The following PTPRN2 variants were observed in gnomAD, a reference collection of about 807,000 sequenced individuals.
PTPRN2 encodes the protein receptor-type tyrosine-protein phosphatase N2.
A neutral mutation model predicts 118.8 loss-of-function variants in PTPRN2; 74 were observed. The observed-to-expected ratio is 0.62, with a 90% CI of 0.52 to 0.76. The LOEUF is 0.76. Among genes scored for constraint, PTPRN2 ranks in the 30% least tolerant of loss-of-function variants. PTPRN2 has a pLI of 0.00. For missense variants in PTPRN2, 1,481 were observed against 1,394.4 expected, an observed-to-expected ratio of 1.06 and a Z score of -0.99; for synonymous variants, 641 against 608.0, an observed-to-expected ratio of 1.05 and a Z score of -0.80.
chr7:157,749,397 G>T (rs937986845), intron 12 of PTPRN2, among the ~76,000 whole-genome samples: 1 of 81,366 alleles, frequency 1.2e-5, no homozygotes, highest in African/African-American at 5.3e-5. Flanking sequence ...GAGCTGTGGG[G>T]TGTCCGGGTG....
chr7:158,080,548 C>T (rs1269133220), intron 11 of PTPRN2, among the ~76,000 whole-genome samples: 1 of 132,846 alleles, frequency 7.5e-6, no homozygotes, highest in Non-Finnish European at 1.6e-5. Context: ...GAAGATTAAA[C>T]AATACACTCT....
intron 10 of PTPRN2, among the ~76,000 whole-genome samples, chr7:158,091,422 AG>A (rs1357416161): frequency 6.6e-6 from 1 of 152,144 alleles, no homozygotes; most frequent in African/African-American, 2.4e-5. Flanking sequence ...TTTTCTTGAA[AG>A]TTATTTAGAA....
At chr7:158,023,878 G>A (rs1218681207) in intron 11 of PTPRN2, among the ~76,000 whole-genome samples, 2 of 151,044 alleles carry the variant, frequency 1.3e-5, no homozygotes, top group African/African-American at 2.4e-5. Flanking sequence ...GCACAGACAT[G>A]CAGGCACACA....
At chr7:157,867,381 C>T (rs376911977) in intron 12 of PTPRN2, among the ~76,000 whole-genome samples, 2 of 134,318 alleles carry the variant, frequency 1.5e-5, no homozygotes, top group East Asian at 2.5e-4. Flanking sequence ...CCTGGATACA[C>T]GGCCACCACC....
chr7:157,720,563 G>A lies in PTPRN2; in HGVS notation c.1789-37626C>T, dbSNP rs532126433. On this transcript the variant is annotated intron_variant, in intron 12 of 22. Coordinates refer to ENST00000389418, the MANE Select transcript of PTPRN2 (RefSeq NM_002847.5). ...CCTGAGCCAAGGACACTGCGGCCCC[G>A]GCTGCACCGATGCATGGGTGTGCAC... Among the ~76,000 whole-genome samples, 12 of 152,226 alleles carry A rather than the reference G, an allele frequency of 7.9e-5. 1 individual carries two copies. The highest frequency in any genetic ancestry group is 6.2e-4 in the South Asian group (3 of 4,834).
chr7:157,734,592 C>T (rs1055405321), intron 12 of PTPRN2, among the ~76,000 whole-genome samples: 1 of 152,202 alleles, frequency 6.6e-6, no homozygotes, highest in Admixed American at 6.5e-5. Context: ...TTAGCAACAT[C>T]CCAGTGACTA....
intron 14 of PTPRN2, among the ~76,000 whole-genome samples, chr7:157,633,234 G>A (rs1047470747): frequency 6.6e-6 from 1 of 151,588 alleles, no homozygotes; most frequent in Non-Finnish European, 1.5e-5. Flanking sequence ...TCCACCTCCT[G>A]GGTTCAAGCA....
chr7:158,330,589 T>C (rs375804159), intron 2 of PTPRN2, among the ~76,000 whole-genome samples: 110 of 3,192 alleles, frequency 0.034, 5 homozygotes, highest in Non-Finnish European at 0.046. Context: ...AGGTGACATC[T>C]GCAGACGTCA....
chr7:157,875,505 C>G (rs1795703782), intron 12 of PTPRN2, among the ~76,000 whole-genome samples: 1 of 152,246 alleles, frequency 6.6e-6, no homozygotes, highest in South Asian at 2.1e-4. Flanking sequence ...GGGAACTTCA[C>G]TGTGCAGTCC....
chr7:157,687,930 C>T (rs1379806556), intron 12 of PTPRN2, among the ~76,000 whole-genome samples: 1 of 152,196 alleles, frequency 6.6e-6, no homozygotes, highest in African/African-American at 2.4e-5. Context: ...CGGAAATAAT[C>T]ATGTATTAAT....
intron 3 of PTPRN2, among the ~76,000 whole-genome samples, chr7:158,312,191 TAGAC>T (rs1801834902): frequency 1.8e-5 from 1 of 55,562 alleles, no homozygotes; most frequent in African/African-American, 6.7e-5. Flanking sequence ...TGCTCATGTG[TAGAC>T]ACTCACATGC....
Position 157,716,490 on chromosome 7 carries a change from A to G in PTPRN2, c.1789-33553T>C, listed in dbSNP as rs1798919024. Among the ~76,000 whole-genome samples the G allele has an allele frequency of 2.2e-5, 2 of 92,004 alleles. 1 individual carries two copies. The highest frequency in any genetic ancestry group is 4.2e-5 in the Non-Finnish European group (2 of 47,408). 60.4% of individuals were successfully genotyped at this position (92,004 alleles called of 152,430 possible). On this transcript the variant is annotated intron_variant, in intron 12 of 22. Coordinates refer to ENST00000389418, the MANE Select transcript of PTPRN2 (RefSeq NM_002847.5). ...CTGCAGGAACACTGCCTGGCCACGT[A>G]GACTCTGCGGGAACACTGCCTGGTC... is the stretch of plus-strand genomic sequence containing the variant.
At chr7:158,416,334 T>G (rs1814654100) in intron 2 of PTPRN2, among the ~76,000 whole-genome samples, 1 of 152,206 alleles carries the variant, frequency 6.6e-6, no homozygotes, top group Non-Finnish European at 1.5e-5. Context: ...AGTTTAGATA[T>G]GCACCCCCAG....
intron 10 of PTPRN2, among the ~76,000 whole-genome samples, chr7:158,084,988 C>G: frequency 7.9e-6 from 1 of 127,270 alleles, no homozygotes; most frequent in South Asian, 3.0e-4. Context: ...CCCATCCACA[C>G]GGATGCCCAT....
At chr7:158,046,870 C>T (rs914201910) in intron 11 of PTPRN2, among the ~76,000 whole-genome samples, 6 of 152,144 alleles carry the variant, frequency 3.9e-5, no homozygotes, top group East Asian at 1.9e-4. Context: ...GTGTGTGTAC[C>T]GCTAGCTTTG....
chr7:157,589,325 T>TC (rs1028285639), intron 17 of PTPRN2, among the ~76,000 whole-genome samples: 8 of 152,158 alleles, frequency 5.3e-5, no homozygotes, highest in Admixed American at 3.3e-4. Context: ...CTTCCTTTCT[T>TC]CCCCCAGCCC....
intron 1 of PTPRN2, among the ~76,000 whole-genome samples, chr7:158,568,556 T>C (rs1004480791): frequency 1.3e-5 from 2 of 152,160 alleles, no homozygotes; most frequent in African/African-American, 4.8e-5. Context: ...GTAAATCATA[T>C]GACTGACTTG....
intron 10 of PTPRN2, among the ~76,000 whole-genome samples, chr7:158,086,680 G>A (rs1039615966): frequency 8.5e-5 from 13 of 152,224 alleles, no homozygotes; most frequent in African/African-American, 2.4e-4. Flanking sequence ...GAGCTGAAAC[G>A]AGAAGGCGGA....
At chr7:157,982,868 C>T (rs112518648) in intron 11 of PTPRN2, among the ~76,000 whole-genome samples, 126 of 101,000 alleles carry the variant, frequency 1.2e-3, no homozygotes, top group Middle Eastern at 7.8e-3. Flanking sequence ...TGCAGAGTAC[C>T]GGGTTCCCCC....
Sources: allele counts gnomAD v4.1 joint callset (sites outside exome capture counted in the v4.1 genomes callset), GRCh38; gene constraint gnomAD v4.1.1; transcripts MANE v1.5; gene names NCBI Gene and HGNC (gene_info 2026-07-23, HGNC 2026-07-21).